Variants in ADAM10 observed in about 807,000 individuals in gnomAD.
ADAM10 encodes ADAM metallopeptidase domain 10, also known as disintegrin and metalloproteinase domain-containing protein 10.
In ADAM10, 17 loss-of-function variants were observed where a neutral mutation model predicts 90.1. The ratio of observed to expected loss-of-function variants is 0.19; its 90% confidence interval spans 0.13 to 0.28. ADAM10 has a LOEUF of 0.28. Among genes scored for constraint, ADAM10 ranks in the 10% least tolerant of loss-of-function variants. ADAM10 has a pLI of 1.00. For synonymous variants in ADAM10, 310 were observed against 298.6 expected, an observed-to-expected ratio of 1.04 and a Z score of -0.40; for missense variants, 610 against 914.3, an observed-to-expected ratio of 0.67 and a Z score of 4.29.
At position 58,592,830 on chromosome 15, in the gene ADAM10, T is replaced by C. The variant is rs1275371968; in HGVS notation, c.*4717A>G. ...CTGGGAGACAGTACCATAATTTTTATCAATGTCCCTCAAAAAACCTTTACC... is the reference window on the plus strand; with the variant it reads ...CTGGGAGACAGTACCATAATTTTTACCAATGTCCCTCAAAAAACCTTTACC... On this transcript the variant is annotated 3_prime_UTR_variant, in exon 16 of 16. Coordinates refer to ENST00000260408, the MANE Select transcript of ADAM10 (RefSeq NM_001110.4). 3 of 150,700 alleles carry C rather than the reference T, an allele frequency of 2.0e-5. No homozygotes were observed. The highest frequency in any genetic ancestry group is 4.4e-5 in the Non-Finnish European group (3 of 67,738). 9.3% of individuals were successfully genotyped at this position (150,700 alleles called of 1,614,324 possible).
At chr15:58,631,402 T>C (rs1390322158) in intron 9 of ADAM10, among the ~76,000 whole-genome samples, 1 of 151,834 alleles carries the variant, frequency 6.6e-6, no homozygotes, top group Non-Finnish European at 1.5e-5. Context: ...AATATAACAT[T>C]AATTGAATAA....
chr15:58,697,008 T>C (rs1011726558), intron 2 of ADAM10, among the ~76,000 whole-genome samples: 1 of 152,148 alleles, frequency 6.6e-6, no homozygotes, highest in Non-Finnish European at 1.5e-5. Context: ...TGTGATCCCA[T>C]GCTGCCCCCA....
intron 1 of ADAM10, among the ~76,000 whole-genome samples, chr15:58,724,090 T>C (rs969409085): frequency 6.6e-5 from 10 of 152,014 alleles, no homozygotes; most frequent in East Asian, 1.9e-4. Context: ...GGCAGGAGAA[T>C]TGCTTGAACC....
chr15:58,715,291 G>A (rs1042855306), intron 2 of ADAM10, among the ~76,000 whole-genome samples: 6 of 151,564 alleles, frequency 4.0e-5, no homozygotes, highest in East Asian at 3.9e-4. Context: ...GCATGGTGGC[G>A]CACACCTGTA....
intron 1 of ADAM10, among the ~76,000 whole-genome samples, chr15:58,727,187 T>TTC (rs1343247445): frequency 1.7e-5 from 2 of 121,194 alleles, no homozygotes; most frequent in African/African-American, 7.0e-5. Context: ...TTTTTTTTTT[T>TTC]TTTTTTTTTT....
Position 58,604,431 on chromosome 15 carries a change from C to G in ADAM10, c.2026-4707G>C, listed in dbSNP as rs111287800. ...AAAGGCTTTTCCTAATAGGTTCTCC[C>G]AGTTCTGTGAAAACAGCACACAGAC... On this transcript the variant is annotated intron_variant, in intron 14 of 15. Transcript: ENST00000260408. Among the ~76,000 whole-genome samples, 542 of 152,268 alleles carry G rather than the reference C, an allele frequency of 3.6e-3. 6 individuals carry two copies. The highest frequency in any genetic ancestry group is 0.013 in the African/African-American group (521 of 41,542).
At chr15:58,701,311 ATGT>A (rs1273132858) in intron 2 of ADAM10, among the ~76,000 whole-genome samples, 5 of 152,100 alleles carry the variant, frequency 3.3e-5, no homozygotes, top group Non-Finnish European at 7.4e-5. Context: ...AGACACAGAA[ATGT>A]TGGTTTGTGT....
At chr15:58,630,295 G>A (rs12443072) in intron 9 of ADAM10, among the ~76,000 whole-genome samples, 2 of 152,010 alleles carry the variant, frequency 1.3e-5, no homozygotes, top group African/African-American at 4.8e-5. Context: ...ATAACAACAC[G>A]GATCAAGATT....
Position 58,691,278 on chromosome 15 carries a change from C to CGA in ADAM10, c.207-8965_207-8964insTC, listed in dbSNP as rs879141055. 3 of 1,249,078 alleles carry CGA rather than the reference C, an allele frequency of 2.4e-6. No individual in the cohort carries two copies. In the South Asian group the frequency reaches 3.7e-5, roughly 15 times the overall value. 77.4% of individuals were successfully genotyped at this position (1,249,078 alleles called of 1,614,324 possible). A position where few individuals can be genotyped will look rare whatever the true frequency, so the allele number is the denominator to read the frequency against. Reference sequence around the variant, plus strand: ...CTCCTCATCCTCAGGTAGCTCCAGACCCTCCTTGGTAACTGACAGCAGGCT... The same window carrying CGA: ...CTCCTCATCCTCAGGTAGCTCCAGACGACCTCCTTGGTAACTGACAGCAGGCT... On this transcript the variant is annotated intron_variant, in intron 2 of 15. Coordinates refer to ENST00000260408, the MANE Select transcript of ADAM10 (RefSeq NM_001110.4).
At chr15:58,679,580 G>C (rs1002928654) in intron 3 of ADAM10, among the ~76,000 whole-genome samples, 6 of 152,126 alleles carry the variant, frequency 3.9e-5, no homozygotes, top group Non-Finnish European at 5.9e-5. Context: ...ACCTAGCTGA[G>C]TGCCTAGCAT....
At chr15:58,726,362 C>A (rs186539549) in intron 1 of ADAM10, among the ~76,000 whole-genome samples, 148 of 151,574 alleles carry the variant, frequency 9.8e-4, no homozygotes, top group Non-Finnish European at 1.9e-3. Flanking sequence ...GCGAGGAGTT[C>A]GAGACCAGCC....
chr15:58,615,257 G>C (rs1317214339), intron 11 of ADAM10, among the ~76,000 whole-genome samples: 2 of 121,320 alleles, frequency 1.6e-5, no homozygotes, highest in African/African-American at 6.4e-5. Context: ...CTGGGCTACA[G>C]AGCAAGAGTC....
At chr15:58,672,985 T>C (rs1361747203) in intron 4 of ADAM10, 3 of 213,036 alleles carry the variant, frequency 1.4e-5, no homozygotes, top group African/African-American at 6.9e-5. Context: ...AGCACCCCTG[T>C]ACACAACTCA....
At chr15:58,700,158 AC>A (rs1898090645) in intron 2 of ADAM10, among the ~76,000 whole-genome samples, 1 of 152,234 alleles carries the variant, frequency 6.6e-6, no homozygotes, top group Admixed American at 6.5e-5. Flanking sequence ...GTAGACTTCA[AC>A]ACCCCACTCT....
rs755967326 is a variant in ADAM10, at chr15:58,646,222, A to G, written c.586-18T>C. On this transcript the variant is annotated intron_variant, in intron 5 of 15. Coordinates refer to ENST00000260408, the MANE Select transcript of ADAM10 (RefSeq NM_001110.4). ...TGAGGTATCTATACATCAAAAAGTC[A>G]TTTCTGACAATTAGTATGCTTCAAT... The G allele has an allele frequency of 3.7e-6, 6 of 1,607,840 alleles. No homozygotes were observed. In the Admixed American group the frequency reaches 5.0e-5, roughly 13 times the overall value.
intron 2 of ADAM10, among the ~76,000 whole-genome samples, chr15:58,713,406 A>AT (rs758490273): frequency 1.3e-5 from 2 of 152,234 alleles, no homozygotes; most frequent in East Asian, 3.9e-4. Flanking sequence ...ATGTCCAGCA[A>AT]TTCACTCACT....
intron 2 of ADAM10, among the ~76,000 whole-genome samples, chr15:58,711,785 T>C (rs990282699): frequency 6.6e-6 from 1 of 152,228 alleles, no homozygotes; most frequent in Non-Finnish European, 1.5e-5. Context: ...AGTGTATATA[T>C]ACTTCCTACC....
intron 2 of ADAM10, among the ~76,000 whole-genome samples, chr15:58,714,788 C>T (rs992685735): frequency 4.0e-4 from 60 of 151,554 alleles, no homozygotes; most frequent in African/African-American, 1.4e-3. Context: ...AATTTATATA[C>T]AGATAGAAAT....
intron 4 of ADAM10, among the ~76,000 whole-genome samples, chr15:58,666,285 G>A (rs1897081739): frequency 6.7e-6 from 1 of 150,216 alleles, no homozygotes. Flanking sequence ...GGGAGTTGAT[G>A]GTGAATGCAG....
Sources: allele counts gnomAD v4.1 joint callset (sites outside exome capture counted in the v4.1 genomes callset), GRCh38; gene constraint gnomAD v4.1.1; transcripts MANE v1.5; gene names NCBI Gene and HGNC (gene_info 2026-07-23, HGNC 2026-07-21).